The following CEP192 variants were observed in gnomAD, a reference collection of about 807,000 sequenced individuals.
The protein encoded by CEP192 is centrosomal protein of 192 kDa.
In CEP192, 151 loss-of-function variants were observed where a neutral mutation model predicts 271.8. That is an observed-to-expected ratio of 0.56 (90% CI 0.49 to 0.64). CEP192 has a LOEUF of 0.64. Ranked by LOEUF, CEP192 falls within the 30% of genes least tolerant of loss-of-function variation. The probability of loss-of-function intolerance (pLI) is 0.00; values close to 1 mark genes in which losing one functional copy is unlikely to be tolerated. For synonymous variants in CEP192, 995 were observed against 1,076.5 expected (o/e 0.92, Z 1.48); for missense variants, 2,910 against 3,020.5 (o/e 0.96, Z 0.86).
At chr18:13,098,625 G>A (rs970202113) in intron 36 of CEP192, among the ~76,000 whole-genome samples, 5 of 151,894 alleles carry the variant, frequency 3.3e-5, no homozygotes, top group Non-Finnish European at 4.4e-5. Flanking sequence ...ATGGGATGGC[G>A]GCCGGGAAGA....
intron 40 of CEP192, among the ~76,000 whole-genome samples, chr18:13,110,005 G>C (rs1457661031): frequency 6.6e-6 from 1 of 152,084 alleles, no homozygotes; most frequent in Non-Finnish European, 1.5e-5. Flanking sequence ...TTCCAAAATG[G>C]TCTTTATGGG....
intron 30 of CEP192, among the ~76,000 whole-genome samples, chr18:13,081,040 C>G (rs2038577424): frequency 6.6e-6 from 1 of 152,086 alleles, no homozygotes. Flanking sequence ...TTTGGTTTGC[C>G]AGTATTTTAT....
chr18:12,999,980 G>A (rs538521748), intron 2 of CEP192, among the ~76,000 whole-genome samples: 111 of 151,632 alleles, frequency 7.3e-4, no homozygotes, highest in African/African-American at 2.6e-3. Context: ...AAGGGGAGGA[G>A]TGCAGAGCTT....
At chr18:13,035,571 C>G (rs2035873608) in intron 11 of CEP192, among the ~76,000 whole-genome samples, 2 of 152,160 alleles carry the variant, frequency 1.3e-5, no homozygotes, top group Admixed American at 6.5e-5. Context: ...TTTGAGAATT[C>G]TGGGAGATAA....
Position 13,030,446 on chromosome 18 carries a change from T to G in CEP192, c.1391-19T>G. ...TTGTTACATGTGTCATTTGATATTT[T>G]GGGAATTTTATTTTTTAGAAACAGA... On this transcript the variant is annotated intron_variant, in intron 10 of 44. Coordinates refer to ENST00000506447, the MANE Select transcript of CEP192 (RefSeq NM_032142.4). The G allele has an allele frequency of 6.5e-7, 1 of 1,533,102 alleles. No individual in the cohort carries two copies. Among genetic ancestry groups the G allele is most frequent in the Non-Finnish European group, 8.8e-7 (1 of 1,138,730 alleles). The allele number at this position is 1,533,102 out of a possible 1,614,324, so 95.0% of individuals were successfully genotyped here.
intron 15 of CEP192, among the ~76,000 whole-genome samples, chr18:13,044,283 A>G (rs1025931283): frequency 1.3e-5 from 2 of 152,082 alleles, no homozygotes; most frequent in Non-Finnish European, 2.9e-5. Flanking sequence ...TTTAATTTTT[A>G]TACCTTTGTT....
Position 13,059,172 on chromosome 18 carries a change from C to G in CEP192, c.4348C>G (p.Pro1450Ala), listed in dbSNP as rs1415032835. Residue 1450 changes from proline to alanine, a missense_variant, in exon 21 of 45, where the codon CCA becomes GCA. Physicochemically the swap from Pro to Ala is conservative, Grantham distance 27. Coordinates refer to ENST00000506447, the MANE Select transcript of CEP192 (RefSeq NM_032142.4). ...AGAAGAGATAAAAGTGCTTTTTATACCATCCAGTCCTGGGGTTTTCAGATG... is the reference window on the plus strand; with the variant it reads ...AGAAGAGATAAAAGTGCTTTTTATAGCATCCAGTCCTGGGGTTTTCAGATG... ...ATEEIKVLFI[P>A]SSPGVFRCTF... The G allele has an allele frequency of 6.2e-7, 1 of 1,613,752 alleles. No homozygotes were observed. Among genetic ancestry groups the G allele is most frequent in the African/African-American group, 1.3e-5 (1 of 74,866 alleles).
intron 32 of CEP192, among the ~76,000 whole-genome samples, chr18:13,088,084 T>C (rs1010039955): frequency 1.3e-5 from 2 of 152,232 alleles, no homozygotes; most frequent in Non-Finnish European, 2.9e-5. Context: ...AAGGATCAAG[T>C]TGAATTTTCG....
At chr18:13,062,883 A>C (rs1490096422) in intron 21 of CEP192, among the ~76,000 whole-genome samples, 1 of 151,828 alleles carries the variant, frequency 6.6e-6, no homozygotes, top group Non-Finnish European at 1.5e-5. Context: ...CCCAACCCCT[A>C]CCCTTCTGAG....
Position 13,049,259 on chromosome 18 carries a change from A to T in CEP192, c.2468A>T (p.His823Leu). ...LPKEQTTQDI[H>L]PVDLSATSVS... ...AAAGAACAAACTACTCAAGACATTCATCCGGTGGACTTAAGTGCTACTAGT... is the reference window on the plus strand; with the variant it reads ...AAAGAACAAACTACTCAAGACATTCTTCCGGTGGACTTAAGTGCTACTAGT... Residue 823 changes from histidine (H) to leucine (L), a missense_variant, in exon 16 of 45, where the codon CAT becomes CTT. By Grantham distance (99) the His-to-Leu change is moderately conservative. Transcript: ENST00000506447. 1 of 1,614,186 alleles carries T rather than the reference A, an allele frequency of 6.2e-7. No individual in the cohort carries two copies. The highest frequency in any genetic ancestry group is 8.5e-7 in the Non-Finnish European group (1 of 1,180,024).
At chr18:13,119,157 A>T (rs16940128) in intron 44 of CEP192, among the ~76,000 whole-genome samples, 6,643 of 152,338 alleles carry the variant, frequency 0.044, 217 homozygotes, top group East Asian at 0.14. Flanking sequence ...TCAGAAAAAG[A>T]TCATTTAAAT....
Position 13,114,152 on chromosome 18 carries a change from C to T in CEP192, c.7190C>T (p.Pro2397Leu). The change falls in exon 42 of 45, where the codon CCT (proline) becomes CTT (leucine). Residue 2397 changes from proline to leucine, a missense_variant. By Grantham distance (98) the Pro-to-Leu change is moderately conservative. Transcript: ENST00000506447. The stretch of plus-strand genomic sequence containing the variant: ...TAGAGCATCGAAGCAGAAAATGAGC[C>T]TGAAAACGCATGCCTTTCCACGGAT... ...SGQSIEAENE[P>L]ENACLSTDSL... 6.2e-7 allele frequency: 1 copy of T among 1,613,742 alleles called. No homozygotes were observed. The highest frequency in any genetic ancestry group is 8.5e-7 in the Non-Finnish European group (1 of 1,179,898).
At chr18:13,017,385 A>G (rs1248160391) in intron 7 of CEP192, 49 bp downstream of exon 7, 29 of 1,359,266 alleles carry the variant, frequency 2.1e-5, no homozygotes, top group Non-Finnish European at 2.8e-5. Flanking sequence ...TTAGAAAATT[A>G]CTATTGGTCT....
At chr18:13,030,332 T>C (rs531695729) in intron 10 of CEP192, 133 bp from the exon 11 acceptor site, 1 of 768,982 alleles carries the variant, frequency 1.3e-6, no homozygotes, top group Admixed American at 3.2e-5. Flanking sequence ...TTTTCCTTTT[T>C]CTAACTAGCT....
intron 43 of CEP192, among the ~76,000 whole-genome samples, chr18:13,116,966 T>G (rs1001401069): frequency 5.3e-5 from 8 of 151,672 alleles, no homozygotes; most frequent in African/African-American, 1.9e-4. Flanking sequence ...CTCACACCTG[T>G]AATTCAGGAC....
intron 6 of CEP192, among the ~76,000 whole-genome samples, chr18:13,016,189 C>T (rs1054390695): frequency 2.0e-5 from 3 of 152,156 alleles, no homozygotes; most frequent in Middle Eastern, 3.2e-3. Flanking sequence ...GAAATTAACT[C>T]TGATTGAGGC....
chr18:13,096,227 T>A lies in CEP192; in HGVS notation c.6477T>A (p.Ser2159=). 1 of 1,614,208 alleles carries A rather than the reference T, an allele frequency of 6.2e-7. No individual in the cohort carries two copies. The highest frequency in any genetic ancestry group is 8.5e-7 in the Non-Finnish European group (1 of 1,179,992). ...KTGRFQIVNN[S]VRLLRFELCW... The stretch of plus-strand genomic sequence containing the variant: ...GACGTTTCCAGATTGTGAATAACTC[T>A]GTGAGGTTACTGAGATTTGAGCTGT... The change falls in exon 36 of 45, where the codon TCT becomes TCA. Residue 2159 remains serine (S), a synonymous_variant. Coordinates refer to ENST00000506447, the MANE Select transcript of CEP192 (RefSeq NM_032142.4).
Position 13,030,457 on chromosome 18 carries a change from T to G in CEP192, c.1391-8T>G. On this transcript the variant is annotated splice_region_variant and splice_polypyrimidine_tract_variant and intron_variant, in intron 10 of 44. Transcript: ENST00000506447. ...GTCATTTGATATTTTGGGAATTTTA[T>G]TTTTTAGAAACAGATCTCCCACAGA... 1.9e-6 allele frequency: 3 copies of G among 1,547,574 alleles called. No homozygotes were observed. Among genetic ancestry groups the G allele is most frequent in the East Asian group, 2.3e-5 (1 of 43,884 alleles).
rs145078665 is a variant in CEP192, at chr18:13,003,626, G to A, written c.290+2044G>A. ...GCACCAGGGAGGCTGGGGAGGTGGT[G>A]AGCAGGACCTTGACTCTGACTCAGA... On this transcript the variant is annotated intron_variant, in intron 3 of 44. Transcript: ENST00000506447. Among the ~76,000 whole-genome samples, 901 of 152,190 alleles carry A rather than the reference G, an allele frequency of 5.9e-3. 9 individuals carry two copies. The highest frequency in any genetic ancestry group is 0.021 in the African/African-American group (866 of 41,514).
Sources: allele counts gnomAD v4.1 joint callset (sites outside exome capture counted in the v4.1 genomes callset), GRCh38; gene constraint gnomAD v4.1.1; transcripts MANE v1.5; gene names NCBI Gene and HGNC (gene_info 2026-07-23, HGNC 2026-07-21).